The following ROR2 variants were observed in gnomAD, a reference collection of about 807,000 sequenced individuals.
The protein encoded by ROR2 is tyrosine-protein kinase transmembrane receptor ROR2.
A neutral mutation model predicts 74.9 loss-of-function variants in ROR2; 33 were observed. The ratio of observed to expected loss-of-function variants is 0.44; its 90% CI spans 0.33 to 0.59. The LOEUF (loss-of-function observed/expected upper bound fraction) is 0.59. Among genes scored for constraint, ROR2 ranks in the 20% least tolerant of loss-of-function variants. The pLI, the probability that ROR2 is intolerant of heterozygous loss-of-function variation, is 0.02. For missense variants in ROR2, 1,216 were observed against 1,313.8 expected (o/e 0.93, Z 1.15); for synonymous variants, 586 against 558.7 (o/e 1.05, Z -0.69).
At chr9:91,776,075 G>A (rs561268456) in intron 1 of ROR2, among the ~76,000 whole-genome samples, 2 of 152,184 alleles carry the variant, frequency 1.3e-5, no homozygotes, top group Admixed American at 1.3e-4. Context: ...ATGGAAATAA[G>A]TCAGTGGAGC....
At chr9:91,927,686 C>T (rs1450085149) in intron 1 of ROR2, among the ~76,000 whole-genome samples, 1 of 151,230 alleles carries the variant, frequency 6.6e-6, no homozygotes, top group African/African-American at 2.4e-5. Flanking sequence ...GCCTCAGCCT[C>T]CCAAGTAGCT....
intron 1 of ROR2, among the ~76,000 whole-genome samples, chr9:91,846,706 C>T (rs796529550): frequency 4.6e-5 from 7 of 152,224 alleles, no homozygotes; most frequent in African/African-American, 1.4e-4. Flanking sequence ...CCCTCAGCCC[C>T]CTGATAAGCA....
At chr9:91,817,734 G>C (rs1201507797) in intron 1 of ROR2, among the ~76,000 whole-genome samples, 1 of 152,192 alleles carries the variant, frequency 6.6e-6, no homozygotes, top group Non-Finnish European at 1.5e-5. Context: ...GGTATCCATG[G>C]GAACGGAAAG....
chr9:91,904,724 G>A (rs1830767588), intron 1 of ROR2, among the ~76,000 whole-genome samples: 1 of 152,138 alleles, frequency 6.6e-6, no homozygotes. Flanking sequence ...TGGCTCCTAC[G>A]CTCCACTGCT....
chr9:91,949,091 G>A (rs1029196594), intron 1 of ROR2, among the ~76,000 whole-genome samples: 3 of 151,606 alleles, frequency 2.0e-5, no homozygotes, highest in Admixed American at 2.0e-4. Flanking sequence ...CGCCCCTCCC[G>A]CCGCCAGCCT....
intron 1 of ROR2, among the ~76,000 whole-genome samples, chr9:91,911,060 C>A (rs1162188321): frequency 6.6e-6 from 1 of 152,242 alleles, no homozygotes; most frequent in African/African-American, 2.4e-5. Context: ...ACAAATGATG[C>A]TTCCAAACAA....
intron 2 of ROR2, among the ~76,000 whole-genome samples, chr9:91,760,683 T>C (rs997400294): frequency 6.6e-6 from 1 of 151,264 alleles, no homozygotes; most frequent in Non-Finnish European, 1.5e-5. Context: ...TTGAGGGCAA[T>C]ATTCTCAATT....
intron 1 of ROR2, among the ~76,000 whole-genome samples, chr9:91,899,065 A>G (rs778609252): frequency 3.4e-4 from 52 of 152,206 alleles, no homozygotes; most frequent in Non-Finnish European, 6.5e-4. Context: ...GTGTCAGGAC[A>G]AACAGCCGCC....
rs569680459 is a variant in ROR2, at chr9:91,742,542, C to G, written c.495-5024G>C. On this transcript the variant is annotated intron_variant, in intron 4 of 8. Transcript: ENST00000375708. ...ACATAAGAGTCTACAATAAAAGATT[C>G]ATTGGATGGTGCAGCCATGCACCAC... is the stretch of plus-strand genomic sequence containing the variant. Among the ~76,000 whole-genome samples, 6 of 152,304 alleles carry G rather than the reference C, an allele frequency of 3.9e-5. No homozygotes were observed. In the South Asian group the frequency reaches 1.0e-3, roughly 26 times the overall value.
At chr9:91,890,137 C>A (rs1345838728) in intron 1 of ROR2, among the ~76,000 whole-genome samples, 2 of 152,210 alleles carry the variant, frequency 1.3e-5, no homozygotes, top group Non-Finnish European at 2.9e-5. Flanking sequence ...ATGGCAACTT[C>A]TTTCCCTCTT....
At chr9:91,925,616 C>T (rs1831377160) in intron 1 of ROR2, among the ~76,000 whole-genome samples, 1 of 152,178 alleles carries the variant, frequency 6.6e-6, no homozygotes, top group Non-Finnish European at 1.5e-5. Flanking sequence ...TATCCTCCAA[C>T]CCCAAATACA....
chr9:91,846,179 A>C (rs1828923506), intron 1 of ROR2, among the ~76,000 whole-genome samples: 1 of 152,204 alleles, frequency 6.6e-6, no homozygotes, highest in Non-Finnish European at 1.5e-5. Context: ...AAAGCTTGGA[A>C]TACTGTAGAG....
chr9:91,890,460 C>A (rs1052229142), intron 1 of ROR2, among the ~76,000 whole-genome samples: 1 of 152,190 alleles, frequency 6.6e-6, no homozygotes, highest in Non-Finnish European at 1.5e-5. Context: ...GTTTTCTTCT[C>A]GTAGACGCTG....
In ROR2 at chr9:91,725,050, C is replaced by G. The variant is rs752618431; in HGVS notation, c.1444G>C (p.Asp482His). ...CCTTTGTAGACTTTCCCAAACCGGT[C>G]CTCTCCCAGCTCCTCCATGAACCTC... ...AVRFMEELGEDRFGKVYKGHL... is the reference protein window; with the variant it reads ...AVRFMEELGEHRFGKVYKGHL... The change falls in exon 9 of 9, where the codon GAC becomes CAC. Residue 482 changes from aspartate (D) to histidine (H), a missense_variant. Physicochemically the swap from Asp to His is moderately conservative, Grantham distance 81. Transcript: ENST00000375708. The G allele has an allele frequency of 6.2e-7, 1 of 1,614,096 alleles. No individual in the cohort carries two copies. Among genetic ancestry groups the G allele is most frequent in the Non-Finnish European group, 8.5e-7 (1 of 1,180,052 alleles).
intron 4 of ROR2, among the ~76,000 whole-genome samples, chr9:91,740,483 C>T (rs1044566961): frequency 2.0e-5 from 3 of 150,162 alleles, no homozygotes; most frequent in South Asian, 2.1e-4. Flanking sequence ...ACCCAGGAGG[C>T]GGAGCTTGCA....
At chr9:91,885,657 C>T (rs1466101753) in intron 1 of ROR2, among the ~76,000 whole-genome samples, 1 of 152,166 alleles carries the variant, frequency 6.6e-6, no homozygotes, top group Non-Finnish European at 1.5e-5. Flanking sequence ...TAAAAGTGAT[C>T]TACAAAAGCC....
chr9:91,798,784 G>A (rs559761309), intron 1 of ROR2, among the ~76,000 whole-genome samples: 7 of 152,120 alleles, frequency 4.6e-5, no homozygotes, highest in African/African-American at 1.7e-4. Flanking sequence ...CTCTACTTTT[G>A]TCTACTTTCG....
chr9:91,753,345 T>C (rs949796619), intron 4 of ROR2, among the ~76,000 whole-genome samples: 5 of 152,202 alleles, frequency 3.3e-5, no homozygotes, highest in African/African-American at 1.2e-4. Flanking sequence ...TGTGTCCACA[T>C]GCTCAGCCTC....
chr9:91,830,717 G>A (rs970649522), intron 1 of ROR2, among the ~76,000 whole-genome samples: 7 of 151,740 alleles, frequency 4.6e-5, no homozygotes, highest in Non-Finnish European at 5.9e-5. Context: ...TGCATCCATC[G>A]TTCATGGAAG....
Sources: allele counts gnomAD v4.1 joint callset (sites outside exome capture counted in the v4.1 genomes callset), GRCh38; gene constraint gnomAD v4.1.1; transcripts MANE v1.5; gene names NCBI Gene and HGNC (gene_info 2026-07-23, HGNC 2026-07-21).